The following SLC22A15 variants were observed in gnomAD, a reference collection of about 807,000 sequenced individuals.
SLC22A15 encodes the protein solute carrier family 22 member 15.
Under a neutral mutation model 62.7 loss-of-function variants are expected in SLC22A15, and 45 were observed. The observed-to-expected ratio is 0.72, with a 90% CI of 0.56 to 0.92. The LOEUF (loss-of-function observed/expected upper bound fraction) is 0.92, where lower values mean the gene tolerates loss of function less well. SLC22A15 is among the 40% of genes least tolerant of loss of function. The pLI is 0.00. For synonymous variants in SLC22A15, 264 were observed against 267.0 expected, an observed-to-expected ratio of 0.99 and a Z score of 0.11; for missense variants, 622 against 665.6, an observed-to-expected ratio of 0.93 and a Z score of 0.72.
intron 2 of SLC22A15, among the ~76,000 whole-genome samples, chr1:116,013,465 A>G (rs1329624591): frequency 1.3e-5 from 2 of 152,194 alleles, no homozygotes; most frequent in African/African-American, 2.4e-5. Context: ...TGTAATTTAC[A>G]TACCAAAGGC....
intron 8 of SLC22A15, among the ~76,000 whole-genome samples, chr1:116,057,801 G>A (rs1318873365): frequency 3.3e-5 from 5 of 151,924 alleles, no homozygotes; most frequent in Non-Finnish European, 5.9e-5. Flanking sequence ...GTAAACTATC[G>A]CAAGGACAAA....
At chr1:116,032,721 C>G (rs145975790) in intron 6 of SLC22A15, 104 of 836,142 alleles carry the variant, frequency 1.2e-4, no homozygotes, top group South Asian at 1.6e-4. Flanking sequence ...TTAAGAAAAC[C>G]GTTGAAAGCC....
chr1:116,066,497 C>A, intron 10 of SLC22A15, 23 bp from the exon 11 acceptor site: 3 of 1,477,396 alleles, frequency 2.0e-6, no homozygotes, highest in South Asian at 1.3e-5. Context: ...GGTTTATTTT[C>A]ATTCCACTCC....
intron 4 of SLC22A15, among the ~76,000 whole-genome samples, chr1:116,024,975 A>G (rs1657018452): frequency 6.6e-6 from 1 of 152,112 alleles, no homozygotes; most frequent in South Asian, 2.1e-4. Flanking sequence ...TCTGTGATAG[A>G]TTCAACAGGA....
chr1:116,043,342 C>G (rs746844690), intron 8 of SLC22A15, among the ~76,000 whole-genome samples: 1 of 152,144 alleles, frequency 6.6e-6, no homozygotes, highest in African/African-American at 2.4e-5. Context: ...AGGAGAATCC[C>G]TTGAACCCGG....
rs1172092652 is a variant in SLC22A15, at chr1:116,069,567, A to C, written c.*2459A>C. ...AGTTTCCAGGGTGAAAGTTCACATTAGCAGCTTGTCCAAAATATTTACACC... is the reference window on the plus strand; with the variant it reads ...AGTTTCCAGGGTGAAAGTTCACATTCGCAGCTTGTCCAAAATATTTACACC... On this transcript the variant is annotated 3_prime_UTR_variant, in exon 12 of 12. Transcript: ENST00000369503. 6.6e-6 allele frequency: 1 copy of C among 152,176 alleles called. No homozygotes were observed. The highest frequency in any genetic ancestry group is 1.5e-5 in the Non-Finnish European group (1 of 68,018). 9.4% of individuals were successfully genotyped at this position (152,176 alleles called of 1,614,324 possible).
At chr1:116,066,949 T>C in intron 11 of SLC22A15, 70 bp from the exon 12 acceptor site, 1 of 1,226,674 alleles carries the variant, frequency 8.2e-7, no homozygotes, top group Non-Finnish European at 1.2e-6. Flanking sequence ...GTTGAATAGC[T>C]AGATGGTAGT....
At position 116,026,363 on chromosome 1, in the gene SLC22A15, T is replaced by C. The variant is rs1307972111; in HGVS notation, c.599-530T>C. Among the ~76,000 whole-genome samples the C allele has an allele frequency of 2.0e-5, 3 of 150,668 alleles. No homozygotes were observed. The East Asian group carries it at 5.8e-4, about 29-fold the overall frequency. On this transcript the variant is annotated intron_variant, in intron 4 of 11. Coordinates refer to ENST00000369503, the MANE Select transcript of SLC22A15 (RefSeq NM_018420.3). ...AACCCGGGAGCCTGGGAGGTGGAGG[T>C]TGTAATGAGCCAAGATCTTGCCACT...
intron 2 of SLC22A15, chr1:116,014,029 T>C (rs1656406005): frequency 2.0e-5 from 3 of 152,252 alleles, no homozygotes; most frequent in Admixed American, 1.3e-4. Context: ...GCAGCTTTTC[T>C]TGATGTACGC....
At chr1:116,018,239 G>T (rs1656638905) in intron 2 of SLC22A15, among the ~76,000 whole-genome samples, 1 of 151,998 alleles carries the variant, frequency 6.6e-6, no homozygotes, top group Admixed American at 6.6e-5. Context: ...ACTATTCCAG[G>T]TACCTCATAT....
At chr1:116,009,957 C>T (rs1048318936) in intron 2 of SLC22A15, among the ~76,000 whole-genome samples, 6 of 152,176 alleles carry the variant, frequency 3.9e-5, no homozygotes, top group African/African-American at 1.4e-4. Flanking sequence ...AACGTCTACC[C>T]TGCACCTTAT....
rs763370967 is a variant in SLC22A15 at position 116,020,706 on chromosome 1, G to T, written c.434-15G>T. On this transcript the variant is annotated splice_polypyrimidine_tract_variant and intron_variant, in intron 3 of 11. Coordinates refer to ENST00000369503, the MANE Select transcript of SLC22A15 (RefSeq NM_018420.3). Reference sequence around the variant, plus strand: ...TTTTGCCTCTGGATTATTGAATATTGTTTTCTCTTTCTAGGTTTTGCTCTT... The same window carrying T: ...TTTTGCCTCTGGATTATTGAATATTTTTTTCTCTTTCTAGGTTTTGCTCTT... 1.3e-6 allele frequency: 2 copies of T among 1,596,744 alleles called. No homozygotes were observed. Among genetic ancestry groups the T allele is most frequent in the South Asian group, 2.2e-5 (2 of 89,004 alleles).
intron 5 of SLC22A15, among the ~76,000 whole-genome samples, chr1:116,028,679 T>G (rs2101411265): frequency 6.6e-6 from 1 of 152,250 alleles, no homozygotes; most frequent in African/African-American, 2.4e-5. Context: ...ATTTACTTAT[T>G]CCACTAAGCC....
At chr1:115,999,193 C>T (rs1655583698) in intron 2 of SLC22A15, among the ~76,000 whole-genome samples, 1 of 152,148 alleles carries the variant, frequency 6.6e-6, no homozygotes, top group Non-Finnish European at 1.5e-5. Context: ...TTGTGGCTAA[C>T]ATGTGGTCTA....
rs374439616 is a variant in SLC22A15 at position 116,026,233 on chromosome 1, G to A, written c.599-660G>A. ...TAAAGGCTAGCCTGGCCAAGATGGC[G>A]AAACCCCATCTCTAATAAAAATACA... On this transcript the variant is annotated intron_variant, in intron 4 of 11. Coordinates refer to ENST00000369503, the MANE Select transcript of SLC22A15 (RefSeq NM_018420.3). 1.3e-4 allele frequency among the ~76,000 whole-genome samples: 19 copies of A among 151,578 alleles called. No individual in the cohort carries two copies. In the East Asian group the frequency reaches 3.1e-3, roughly 25 times the overall value.
intron 2 of SLC22A15, among the ~76,000 whole-genome samples, chr1:116,006,346 C>G (rs978284274): frequency 6.6e-5 from 10 of 151,956 alleles, no homozygotes; most frequent in Non-Finnish European, 1.2e-4. Flanking sequence ...AAACAGTGCC[C>G]GACTGAAGGT....
intron 8 of SLC22A15, 91 bp from the exon 9 acceptor site, chr1:116,062,671 G>A: frequency 6.1e-6 from 9 of 1,483,764 alleles, no homozygotes; most frequent in Non-Finnish European, 7.4e-6. Context: ...AGATCAACAT[G>A]AATGCCACCT....
At chr1:115,985,964 G>A (rs1194289051) in intron 1 of SLC22A15, among the ~76,000 whole-genome samples, 1 of 120,946 alleles carries the variant, frequency 8.3e-6, no homozygotes, top group African/African-American at 2.6e-5. Context: ...AAAAAAAAAA[G>A]AGAGAGAAAC....
chr1:115,978,534 CCTGTAGCTGTGCTTAT>C (rs1654438357), intron 1 of SLC22A15, among the ~76,000 whole-genome samples: 1 of 151,978 alleles, frequency 6.6e-6, no homozygotes, highest in Non-Finnish European at 1.5e-5. Context: ...GGGAAGATGC[CCTGTAGCTGTGCTTAT>C]ACCAGTGGAG....
Sources: allele counts gnomAD v4.1 joint callset (sites outside exome capture counted in the v4.1 genomes callset), GRCh38; gene constraint gnomAD v4.1.1; transcripts MANE v1.5; gene names NCBI Gene and HGNC (gene_info 2026-07-23, HGNC 2026-07-21).